Variants in BCAS3 observed in about 807,000 individuals in gnomAD.
BCAS3 encodes the protein BCAS3 microtubule associated cell migration factor.
In BCAS3, 53 loss-of-function variants were observed where a neutral mutation model predicts 116.1. The observed-to-expected ratio is 0.46, with a 90% CI of 0.37 to 0.57. The LOEUF (loss-of-function observed/expected upper bound fraction) is 0.57, where lower values mean the gene tolerates loss of function less well. Among genes scored for constraint, BCAS3 ranks in the 20% least tolerant of loss-of-function variants. The pLI is 0.00. For synonymous variants in BCAS3, 391 were observed against 408.2 expected (o/e 0.96, Z 0.51); for missense variants, 917 against 1,165.4 (o/e 0.79, Z 3.10).
At chr17:61,232,101 A>T (rs568094998) in intron 22 of BCAS3, among the ~76,000 whole-genome samples, 8 of 147,252 alleles carry the variant, frequency 5.4e-5, no homozygotes, top group African/African-American at 2.0e-4. Flanking sequence ...GCTACTCGGG[A>T]GACTGAGGCA....
Position 60,744,979 on chromosome 17 carries a change from G to A in BCAS3, c.322-2219G>A, listed in dbSNP as rs571519190. On this transcript the variant is annotated intron_variant, in intron 5 of 23. Coordinates refer to ENST00000407086, the MANE Select transcript of BCAS3 (RefSeq NM_017679.5). The stretch of plus-strand genomic sequence containing the variant: ...CTCTTGTGTATTAAATACAATGATA[G>A]CAAACTTTTATATTGTGAGTATGCT... 2.4e-3 allele frequency among the ~76,000 whole-genome samples: 369 copies of A among 152,132 alleles called. 2 individuals are homozygous for A. Among genetic ancestry groups the A allele is most frequent in the Non-Finnish European group, 4.2e-3 (283 of 67,968 alleles).
intron 22 of BCAS3, among the ~76,000 whole-genome samples, chr17:61,102,921 C>T (rs1373050666): frequency 6.6e-6 from 1 of 152,102 alleles, no homozygotes; most frequent in Admixed American, 6.5e-5. Flanking sequence ...TCACGTGTAT[C>T]ATAATGTATT....
intron 4 of BCAS3, among the ~76,000 whole-genome samples, chr17:60,700,170 T>C (rs2036197011): frequency 7.5e-6 from 1 of 132,490 alleles, no homozygotes; most frequent in Non-Finnish European, 1.5e-5. Context: ...TGAGACCCTG[T>C]CTCAAAAAAA....
Position 60,962,172 on chromosome 17 carries a change from T to A in BCAS3, c.1221+14820T>A, listed in dbSNP as rs760830739. On this transcript the variant is annotated intron_variant, in intron 14 of 23. Coordinates refer to ENST00000407086, the MANE Select transcript of BCAS3 (RefSeq NM_017679.5). The surrounding 1 kb of genome is among the most constrained non-coding windows in gnomAD (Gnocchi z 4.4). The stretch of plus-strand genomic sequence containing the variant: ...GAAGTACAGATATCCCCTAGATGCA[T>A]TGATTTTCTTTCTTTTGGCTATATA... 6.6e-6 allele frequency among the ~76,000 whole-genome samples: 1 copy of A among 152,198 alleles called. No homozygotes were observed. The highest frequency in any genetic ancestry group is 2.1e-4 in the South Asian group (1 of 4,822).
intron 5 of BCAS3, among the ~76,000 whole-genome samples, chr17:60,716,723 A>AT (rs201389483): frequency 0.033 from 4,991 of 152,038 alleles, 227 homozygotes; most frequent in African/African-American, 0.099. Flanking sequence ...AAAAAAAAAA[A>AT]AATAATAATA....
Position 60,755,253 on chromosome 17 carries a change from G to A in BCAS3, c.403+7974G>A, listed in dbSNP as rs530817012. ...TTCTATAAGAGGTATAGAGAGAAAT[G>A]TACTGAACACAAAAGAGAGGTGAAT... is the stretch of plus-strand genomic sequence containing the variant. On this transcript the variant is annotated intron_variant, in intron 6 of 23. Transcript: ENST00000407086. 6.6e-5 allele frequency among the ~76,000 whole-genome samples: 10 copies of A among 152,284 alleles called. No homozygotes were observed. The South Asian group carries it at 2.1e-3, about 32-fold the overall frequency.
intron 22 of BCAS3, among the ~76,000 whole-genome samples, chr17:61,273,517 TTGA>T (rs756362180): frequency 2.7e-4 from 41 of 152,318 alleles, no homozygotes; most frequent in Non-Finnish European, 4.0e-4. Flanking sequence ...TCTCACCATT[TTGA>T]TGATGATGTG....
rs374843949 is a variant in BCAS3 at position 60,872,158 on chromosome 17, A to T, written c.585-2504A>T. Among the ~76,000 whole-genome samples the T allele has an allele frequency of 2.6e-5, 4 of 152,046 alleles. No homozygotes were observed. The South Asian group carries it at 8.3e-4, about 31-fold the overall frequency. ...TGTGTTTGAATTTGTTGGTGTAGACATAATATGGTATCATTATCCAGTCTG... is the reference window on the plus strand; with the variant it reads ...TGTGTTTGAATTTGTTGGTGTAGACTTAATATGGTATCATTATCCAGTCTG... On this transcript the variant is annotated intron_variant, in intron 8 of 23. Coordinates refer to ENST00000407086, the MANE Select transcript of BCAS3 (RefSeq NM_017679.5).
At chr17:61,275,036 G>A (rs1031081929) in intron 22 of BCAS3, among the ~76,000 whole-genome samples, 12 of 152,128 alleles carry the variant, frequency 7.9e-5, no homozygotes, top group African/African-American at 2.4e-4. Flanking sequence ...TTTTTTTGTA[G>A]AGATGGGGTC....
At chr17:61,165,743 A>T (rs1220749399) in intron 22 of BCAS3, among the ~76,000 whole-genome samples, 5 of 152,290 alleles carry the variant, frequency 3.3e-5, no homozygotes, top group East Asian at 1.9e-4. Flanking sequence ...AAAAAATACT[A>T]AAAAAGTTAT....
intron 5 of BCAS3, chr17:60,709,614 C>G (rs556316865): frequency 1.0e-4 from 30 of 300,504 alleles, no homozygotes; most frequent in Non-Finnish European, 1.6e-4. Context: ...GTCTCAAACT[C>G]CTGACCTCAG....
At chr17:61,038,816 C>T (rs997748134) in intron 18 of BCAS3, among the ~76,000 whole-genome samples, 1 of 151,504 alleles carries the variant, frequency 6.6e-6, no homozygotes, top group African/African-American at 2.4e-5. Context: ...CCACAGGCGC[C>T]TGCCATCCCA....
Position 61,332,424 on chromosome 17 carries a change from G to C in BCAS3, c.2426-35903G>C, listed in dbSNP as rs1347140933. On this transcript the variant is annotated intron_variant, in intron 22 of 23. Coordinates refer to ENST00000407086, the MANE Select transcript of BCAS3 (RefSeq NM_017679.5). The surrounding 1 kb of genome is among the most constrained non-coding windows in gnomAD (Gnocchi z 5.4). Reference sequence around the variant, plus strand: ...ATGGGAGCCCCTGCTTGCCATGTTTGTGAGGGGCAAACACTTCACTGGTTG... The same window carrying C: ...ATGGGAGCCCCTGCTTGCCATGTTTCTGAGGGGCAAACACTTCACTGGTTG... 6.6e-6 allele frequency among the ~76,000 whole-genome samples: 1 copy of C among 152,074 alleles called. No individual in the cohort carries two copies. Among genetic ancestry groups the C allele is most frequent in the African/African-American group, 2.4e-5 (1 of 41,422 alleles).
Position 61,127,804 on chromosome 17 carries a change from G to A in BCAS3, c.2425+43240G>A, listed in dbSNP as rs1215436269. Among the ~76,000 whole-genome samples, 4 of 150,222 alleles carry A rather than the reference G, an allele frequency of 2.7e-5. No individual in the cohort carries two copies. In the East Asian group the frequency reaches 7.8e-4, roughly 29 times the overall value. On this transcript the variant is annotated intron_variant, in intron 22 of 23. Coordinates refer to ENST00000407086, the MANE Select transcript of BCAS3 (RefSeq NM_017679.5). ...ATCCTGTTTTTCTGTTTTTGGGGGAGTGGAATAGGGAGGAAGGGGGCTACA... is the reference window on the plus strand; with the variant it reads ...ATCCTGTTTTTCTGTTTTTGGGGGAATGGAATAGGGAGGAAGGGGGCTACA...
chr17:60,777,726 T>C (rs1446053258), intron 6 of BCAS3, among the ~76,000 whole-genome samples: 2 of 152,152 alleles, frequency 1.3e-5, no homozygotes, highest in African/African-American at 4.8e-5. Context: ...CATCTCTCTC[T>C]TCATTCCCCC....
rs1210937499 is a variant in BCAS3 at position 61,379,348 on chromosome 17, C to G, written c.2593+10854C>G. 1.3e-5 allele frequency: 2 copies of G among 152,192 alleles called. No individual in the cohort carries two copies. The highest frequency in any genetic ancestry group is 1.3e-4 in the Admixed American group (2 of 15,274). 9.4% of individuals were successfully genotyped at this position (152,192 alleles called of 1,614,324 possible). A position where few individuals can be genotyped will look rare whatever the true frequency, so the allele number is the denominator to read the frequency against. ...ATGGCCCGAGATGTGGAGGCCACCC[C>G]CTGGATGTGGTGGCTGCTGAGAGAG... On this transcript the variant is annotated intron_variant, in intron 23 of 23. Transcript: ENST00000407086. This position sits in a 1 kb window ranked among gnomAD's most constrained non-coding sequence, Gnocchi z 5.5.
At chr17:61,299,760 T>C (rs1262728900) in intron 22 of BCAS3, among the ~76,000 whole-genome samples, 1 of 152,224 alleles carries the variant, frequency 6.6e-6, no homozygotes, top group Non-Finnish European at 1.5e-5. Flanking sequence ...ATGTTTTGGC[T>C]CTGACAGCAT....
intron 22 of BCAS3, among the ~76,000 whole-genome samples, chr17:61,255,373 T>A (rs376817272): frequency 2.0e-5 from 3 of 152,240 alleles, no homozygotes; most frequent in African/African-American, 7.2e-5. Context: ...CCTTACAGCC[T>A]CCAGATCTCC....
At position 61,026,311 on chromosome 17, in the gene BCAS3, T is replaced by C. The variant is rs937369636; in HGVS notation, c.1638-8355T>C. Among the ~76,000 whole-genome samples the C allele has an allele frequency of 1.3e-5, 2 of 152,092 alleles. No homozygotes were observed. The highest frequency in any genetic ancestry group is 4.8e-5 in the African/African-American group (2 of 41,450). ...GGCCAAAAATAGAGAAAAATTATAC[T>C]AGTTGTACTTAGTGTTTTTTCCTTT... On this transcript the variant is annotated intron_variant, in intron 16 of 23. Coordinates refer to ENST00000407086, the MANE Select transcript of BCAS3 (RefSeq NM_017679.5). This position sits in a 1 kb window ranked among gnomAD's most constrained non-coding sequence, Gnocchi z 5.0.
Sources: gnomAD v4.1 joint callset for allele counts (sites outside exome capture counted in the v4.1 genomes callset) on GRCh38, gnomAD v4.1.1 for gene constraint, Gnocchi (gnomAD v3.1) non-coding constraint, MANE v1.5 for transcripts, NCBI Gene and HGNC (gene_info 2026-07-23, HGNC 2026-07-21) for gene names.